The following CFAP100 variants were observed in gnomAD, a reference collection of about 807,000 sequenced individuals.
CFAP100 encodes the protein cilia and flagella associated protein 100.
In CFAP100, 70 loss-of-function variants were observed where a neutral mutation model predicts 81.5. That is an observed-to-expected ratio of 0.86 (90% confidence interval 0.71 to 1.05). The LOEUF (loss-of-function observed/expected upper bound fraction) is 1.05, where lower values mean the gene tolerates loss of function less well. CFAP100 is among the 50% of genes least tolerant of loss of function. CFAP100 has a pLI of 0.00. For synonymous variants in CFAP100, 341 were observed against 314.8 expected (o/e 1.08, Z -0.88); for missense variants, 811 against 776.5 (o/e 1.04, Z -0.53).
At chr3:126,409,442 G>A (rs1291951556) in intron 3 of CFAP100, among the ~76,000 whole-genome samples, 1 of 152,140 alleles carries the variant, frequency 6.6e-6, no homozygotes, top group East Asian at 1.9e-4. Context: ...GTCACTTTGG[G>A]GACATAAGCA....
intron 9 of CFAP100, 50 bp from the exon 10 acceptor site, chr3:126,419,930 A>C (rs779410142): frequency 8.7e-6 from 14 of 1,612,402 alleles, no homozygotes. Flanking sequence ...GGCGTTGCTG[A>C]AGCTTGGCTG....
chr3:126,414,622 C>T (rs2083205642), intron 4 of CFAP100, among the ~76,000 whole-genome samples: 1 of 152,242 alleles, frequency 6.6e-6, no homozygotes, highest in African/African-American at 2.4e-5. Context: ...AGGTCAGACC[C>T]ACACACAGCC....
Position 126,407,258 on chromosome 3 carries a change from C to A in CFAP100, c.130+6C>A. 1 of 1,610,520 alleles carries A rather than the reference C, an allele frequency of 6.2e-7. No individual in the cohort carries two copies. Among genetic ancestry groups the A allele is most frequent in the Non-Finnish European group, 8.5e-7 (1 of 1,177,316 alleles). On this transcript the variant is annotated splice_donor_region_variant and intron_variant, in intron 3 of 16. Transcript: ENST00000352312. ...ACAGGCAAGAAAAAACGAAGGTAAC[C>A]TTCAAGCTGGGAGGCTAAAGTCCAA... is the stretch of plus-strand genomic sequence containing the variant.
At chr3:126,427,605 A>G (rs574268895) in intron 13 of CFAP100, among the ~76,000 whole-genome samples, 2 of 152,314 alleles carry the variant, frequency 1.3e-5, no homozygotes, top group East Asian at 3.9e-4. Context: ...ATATAGTACA[A>G]GTATGTTTAG....
In CFAP100 at chr3:126,407,249, G is replaced by T. The variant is rs182563239; in HGVS notation, c.127G>T (p.Glu43Ter). 6.2e-7 allele frequency: 1 copy of T among 1,612,534 alleles called. No homozygotes were observed. Among genetic ancestry groups the T allele is most frequent in the Non-Finnish European group, 8.5e-7 (1 of 1,178,904 alleles). Residue 43 changes from glutamate to a stop codon, truncating the protein, a stop_gained, in exon 3 of 17, where the codon GAA (glutamate) becomes TAA (stop). Coordinates refer to ENST00000352312, the MANE Select transcript of CFAP100 (RefSeq NM_182628.3). LOFTEE classifies it high-confidence loss of function. ...CCCAAAGAAACAGGCAAGAAAAAACGAAGGTAACCTTCAAGCTGGGAGGCT... is the reference window on the plus strand; with the variant it reads ...CCCAAAGAAACAGGCAAGAAAAAACTAAGGTAACCTTCAAGCTGGGAGGCT... ...ENPKKQARKN[E>*]EHGPDPSANP...
At chr3:126,416,187 G>A in intron 4 of CFAP100, 129 bp from the exon 5 acceptor site, 1 of 729,096 alleles carries the variant, frequency 1.4e-6, no homozygotes, top group Non-Finnish European at 2.2e-6. Context: ...TCTCAGCCCG[G>A]GACAGCAGTG....
At chr3:126,409,738 A>G (rs1486099496) in intron 3 of CFAP100, among the ~76,000 whole-genome samples, 1 of 152,156 alleles carries the variant, frequency 6.6e-6, no homozygotes, top group Non-Finnish European at 1.5e-5. Flanking sequence ...GTTGGGACGT[A>G]CCTGTTTCCA....
At chr3:126,418,261 G>A (rs533744887) in intron 5 of CFAP100, 197 bp from the exon 6 acceptor site, 2 of 596,696 alleles carry the variant, frequency 3.4e-6, no homozygotes, top group African/African-American at 1.9e-5. Flanking sequence ...CATGGAGAAT[G>A]TAACATTTCA....
rs184922595 is a variant in CFAP100, at chr3:126,401,039, A to G, written c.49+4990A>G. ...AGGGAATTCTGATACATGCTACAGT[A>G]CAAATGAGCTGGGAAACCTTATGCT... is the stretch of plus-strand genomic sequence containing the variant. On this transcript the variant is annotated intron_variant, in intron 2 of 16. Transcript: ENST00000352312. Among the ~76,000 whole-genome samples, 173 of 152,346 alleles carry G rather than the reference A, an allele frequency of 1.1e-3. 1 individual carries two copies. Among genetic ancestry groups the G allele is most frequent in the African/African-American group, 3.5e-3 (144 of 41,586 alleles).
At chr3:126,415,843 C>CA (rs759340831) in intron 4 of CFAP100, among the ~76,000 whole-genome samples, 18 of 152,188 alleles carry the variant, frequency 1.2e-4, no homozygotes, top group Non-Finnish European at 2.4e-4. Context: ...AAGCCACCCC[C>CA]AGGCCGCACA....
chr3:126,419,698 A>C lies in CFAP100; in HGVS notation c.793A>C (p.Lys265Gln), dbSNP rs758914058. 1 of 1,614,096 alleles carries C rather than the reference A, an allele frequency of 6.2e-7. No homozygotes were observed. The highest frequency in any genetic ancestry group is 1.7e-5 in the Admixed American group (1 of 60,030). The change falls in exon 9 of 17, where the codon AAG becomes CAG. Residue 265 changes from lysine to glutamine, a missense_variant. Physicochemically the swap from Lys to Gln is moderately conservative, Grantham distance 53. Transcript: ENST00000352312. The stretch of plus-strand genomic sequence containing the variant: ...CAAGGTCTATAAGGATTTCCTATAC[A>C]AGCTGTCGCCCAAGGAGTGGCTTGA... ...HYKVYKDFLY[K>Q]LSPKEWLEEQ...
Position 126,420,018 on chromosome 3 carries a change from A to G in CFAP100, c.952A>G (p.Lys318Glu). Residue 318 changes from lysine (K) to glutamate (E), a missense_variant, in exon 10 of 17, where the codon AAA becomes GAA. By Grantham distance (56) the Lys-to-Glu change is moderately conservative (BLOSUM62 1). Transcript: ENST00000352312. ...GGGCAAGGCGAGCTCCATGTGGGCC[A>G]AAGGTGAGCTGCCGCCCCCAGCCTG... The part of the protein sequence containing the change: ...IKGKASSMWA[K>E]EGQGTKKPWR... 6.2e-7 allele frequency: 1 copy of G among 1,613,218 alleles called. No homozygotes were observed. Among genetic ancestry groups the G allele is most frequent in the Non-Finnish European group, 8.5e-7 (1 of 1,179,978 alleles).
chr3:126,430,490 CAATAAA>C (rs903094349), intron 13 of CFAP100, among the ~76,000 whole-genome samples: 5 of 152,036 alleles, frequency 3.3e-5, no homozygotes, highest in African/African-American at 1.2e-4. Context: ...CATTATGTAT[CAATAAA>C]AATAAAAATA....
chr3:126,401,857 C>G (rs1341527869), intron 2 of CFAP100, among the ~76,000 whole-genome samples: 2 of 152,118 alleles, frequency 1.3e-5, no homozygotes, highest in African/African-American at 4.8e-5. Flanking sequence ...CAGGCTCACA[C>G]CCTGCCAGCC....
chr3:126,435,792 G>C (rs1412914919), intron 16 of CFAP100, 140 bp downstream of exon 16: 1 of 636,176 alleles, frequency 1.6e-6, no homozygotes, highest in Non-Finnish European at 2.7e-6. Flanking sequence ...GCTGCCTTCG[G>C]AGCAAGGCCT....
At position 126,420,328 on chromosome 3, in the gene CFAP100, AGT is replaced by A. The variant is rs2083310900; in HGVS notation, c.1082+104_1082+105del. 3.3e-6 allele frequency: 5 copies of A among 1,492,994 alleles called. No individual in the cohort carries two copies. The East Asian group carries it at 1.1e-4, about 34-fold the overall frequency. 92.5% of individuals were successfully genotyped at this position (1,492,994 alleles called of 1,614,324 possible). ...CAGGTCTGAGTGCCACAGAAAAGAA[AGT>A]GTGTTACTCACAGTCCCTACTCCAA... On this transcript the variant is annotated intron_variant, in intron 11 of 16. Coordinates refer to ENST00000352312, the MANE Select transcript of CFAP100 (RefSeq NM_182628.3).
intron 3 of CFAP100, among the ~76,000 whole-genome samples, chr3:126,407,519 A>G (rs2107592575): frequency 6.6e-6 from 1 of 152,332 alleles, no homozygotes; most frequent in South Asian, 2.1e-4. Flanking sequence ...TCAGGTGACC[A>G]GGTCCCCAAG....
intron 13 of CFAP100, among the ~76,000 whole-genome samples, chr3:126,429,170 G>C (rs1355743865): frequency 1.3e-5 from 2 of 148,766 alleles, no homozygotes; most frequent in Non-Finnish European, 3.0e-5. Flanking sequence ...ATGTTTGGTA[G>C]AAGTCACCCA....
At chr3:126,432,007 G>A (rs34746763) in intron 13 of CFAP100, among the ~76,000 whole-genome samples, 13,673 of 152,086 alleles carry the variant, frequency 0.09, 755 homozygotes, top group African/African-American at 0.13. Flanking sequence ...GAGGCCGGGC[G>A]CAGTGGCTCA....
Sources: gnomAD v4.1 joint callset for allele counts (sites outside exome capture counted in the v4.1 genomes callset) on GRCh38, gnomAD v4.1.1 for gene constraint, MANE v1.5 for transcripts, NCBI Gene and HGNC (gene_info 2026-07-23, HGNC 2026-07-21) for gene names.